THADA: variants seen among roughly 807,000 people sequenced by gnomAD.
THADA encodes tRNA (32-2'-O)-methyltransferase regulator THADA.
In THADA, 213 loss-of-function variants were observed where a neutral mutation model predicts 219.8. The ratio of observed to expected loss-of-function variants is 0.97; its 90% CI spans 0.87 to 1.09. The LOEUF (loss-of-function observed/expected upper bound fraction) is 1.09. Among genes scored for constraint, THADA ranks in the 50% least tolerant of loss-of-function variants. THADA has a pLI of 0.00. For synonymous variants in THADA, 1,018 were observed against 828.9 expected (o/e 1.23, Z -3.92); for missense variants, 2,956 against 2,311.3 (o/e 1.28, Z -5.72).
intron 26 of THADA, among the ~76,000 whole-genome samples, chr2:43,474,175 T>C (rs983328787): frequency 4.6e-5 from 7 of 152,190 alleles, no homozygotes; most frequent in Admixed American, 3.9e-4. Flanking sequence ...TAGTGTCATA[T>C]GGATAGAGCA....
chr2:43,583,457 C>A (rs1700675088), intron 7 of THADA, among the ~76,000 whole-genome samples: 2 of 152,220 alleles, frequency 1.3e-5, no homozygotes, highest in African/African-American at 2.4e-5. Context: ...GTTCTCAACA[C>A]AGCAAAACAC....
chr2:43,251,921 G>C (rs1669842097), intron 36 of THADA, among the ~76,000 whole-genome samples: 1 of 152,102 alleles, frequency 6.6e-6, no homozygotes, highest in South Asian at 2.1e-4. Context: ...TCTTTTCCGT[G>C]TTTCTTCCTC....
chr2:43,376,625 A>G (rs1332107471), intron 29 of THADA, among the ~76,000 whole-genome samples: 2 of 152,116 alleles, frequency 1.3e-5, no homozygotes, highest in Non-Finnish European at 1.5e-5. Context: ...AGCCCCAAAT[A>G]CCACACTCGA....
At chr2:43,287,329 C>G (rs1674153452) in intron 34 of THADA, among the ~76,000 whole-genome samples, 1 of 152,072 alleles carries the variant, frequency 6.6e-6, no homozygotes, top group African/African-American at 2.4e-5. Context: ...AGGTCTTGCT[C>G]TGTTGCCCAG....
chr2:43,376,202 A>C (rs1300478361), intron 29 of THADA, among the ~76,000 whole-genome samples: 2 of 152,230 alleles, frequency 1.3e-5, no homozygotes, highest in Non-Finnish European at 2.9e-5. Context: ...GTCTTACTAC[A>C]TTCAGACAGT....
At chr2:43,525,900 A>C (rs535727648) in intron 22 of THADA, among the ~76,000 whole-genome samples, 1 of 152,270 alleles carries the variant, frequency 6.6e-6, no homozygotes, top group Admixed American at 6.5e-5. Flanking sequence ...ATCACCTCAG[A>C]TCTACTTTGT....
At chr2:43,471,679 TAAC>T (rs1046456328) in intron 26 of THADA, among the ~76,000 whole-genome samples, 6 of 152,342 alleles carry the variant, frequency 3.9e-5, no homozygotes, top group African/African-American at 1.4e-4. Flanking sequence ...ACAGAACATG[TAAC>T]AACAATCAAA....
chr2:43,332,958 C>T (rs1573110671), intron 30 of THADA, among the ~76,000 whole-genome samples: 3 of 152,140 alleles, frequency 2.0e-5, no homozygotes, highest in South Asian at 2.1e-4. Flanking sequence ...TGATCTTGGA[C>T]GACTTGCTCA....
intron 30 of THADA, among the ~76,000 whole-genome samples, chr2:43,327,963 A>C (rs2104486548): frequency 6.6e-6 from 1 of 152,308 alleles, no homozygotes; most frequent in Non-Finnish European, 1.5e-5. Context: ...ACAGCTGTCC[A>C]TGGACCAGAT....
rs746973767 is a variant in THADA at position 43,231,328 on chromosome 2, G to A, written c.5482C>T (p.Leu1828=). The change falls in exon 38 of 38, where the codon CTG becomes TTG. Residue 1828 remains leucine (L), a synonymous_variant. Coordinates refer to ENST00000405975, the MANE Select transcript of THADA (RefSeq NM_022065.5). ...AAGTTGACTTCTGCTTTTTCAAACAGGTAGTCTTCTTCCACCTAAATCAGA... is the reference window on the plus strand; with the variant it reads ...AAGTTGACTTCTGCTTTTTCAAACAAGTAGTCTTCTTCCACCTAAATCAGA... ...ESMHQVEEDY[L]FEKAEVNFWA... 217 of 1,551,372 alleles carry A rather than the reference G, an allele frequency of 1.4e-4. No individual in the cohort carries two copies. Among genetic ancestry groups the A allele is most frequent in the Non-Finnish European group, 1.8e-4 (204 of 1,152,866 alleles).
chr2:43,461,954 T>A (rs568295698), intron 26 of THADA, among the ~76,000 whole-genome samples: 8 of 152,344 alleles, frequency 5.3e-5, no homozygotes, highest in African/African-American at 1.7e-4. Flanking sequence ...TTACCACCTC[T>A]GACCCCCAAA....
intron 28 of THADA, among the ~76,000 whole-genome samples, chr2:43,414,460 A>G (rs1323612448): frequency 2.6e-5 from 4 of 152,202 alleles, no homozygotes; most frequent in African/African-American, 9.7e-5. Flanking sequence ...AGTTCATCCA[A>G]CATACTATGG....
At chr2:43,458,174 G>A (rs1683234389) in intron 26 of THADA, among the ~76,000 whole-genome samples, 1 of 152,150 alleles carries the variant, frequency 6.6e-6, no homozygotes, top group Non-Finnish European at 1.5e-5. Flanking sequence ...GGATGATGTT[G>A]CAAGATAAGA....
chr2:43,273,535 G>C (rs1341377930), intron 36 of THADA, among the ~76,000 whole-genome samples: 4 of 152,148 alleles, frequency 2.6e-5, no homozygotes, highest in Non-Finnish European at 5.9e-5. Context: ...CTACTGGAAG[G>C]CAGGAGGAAG....
chr2:43,333,240 T>C (rs1665996057), intron 30 of THADA: 1 of 152,220 alleles, frequency 6.6e-6, no homozygotes, highest in South Asian at 2.1e-4. Flanking sequence ...GGAGATATCA[T>C]GACCTTAGAC....
intron 30 of THADA, among the ~76,000 whole-genome samples, chr2:43,322,674 CTTTTTTTTTTTTT>C (rs34557514): frequency 2.2e-3 from 121 of 54,824 alleles, no homozygotes; most frequent in East Asian, 0.015. Flanking sequence ...ACATTCTATT[CTTTTTTTTTTTTT>C]TTTTTTTTTT....
Position 43,527,993 on chromosome 2 carries a change from A to C in THADA, c.3265-5T>G. 1 of 1,524,700 alleles carries C rather than the reference A, an allele frequency of 6.6e-7. No individual in the cohort carries two copies. 94.4% of individuals were successfully genotyped at this position (1,524,700 alleles called of 1,614,324 possible). On this transcript the variant is annotated splice_polypyrimidine_tract_variant and splice_region_variant and intron_variant, in intron 21 of 37. Transcript: ENST00000405975. ...GTAATCTCCTATTTCTTTTACCTTT[A>C]AAAAAAAAGCAAAAACAAATGTCCG...
intron 26 of THADA, among the ~76,000 whole-genome samples, chr2:43,474,169 G>A (rs1305011550): frequency 6.6e-6 from 1 of 152,178 alleles, no homozygotes; most frequent in Non-Finnish European, 1.5e-5. Flanking sequence ...ATCACTTAGT[G>A]TCATATGGAT....
intron 26 of THADA, among the ~76,000 whole-genome samples, chr2:43,459,617 A>G (rs1032129387): frequency 2.0e-5 from 3 of 152,218 alleles, no homozygotes; most frequent in Non-Finnish European, 2.9e-5. Flanking sequence ...TGAACCTAGT[A>G]CAATGCCTGG....
Sources: gnomAD v4.1 joint callset for allele counts (sites outside exome capture counted in the v4.1 genomes callset) on GRCh38, gnomAD v4.1.1 for gene constraint, MANE v1.5 for transcripts, NCBI Gene and HGNC (gene_info 2026-07-23, HGNC 2026-07-21) for gene names.